Variants in FER1L5 observed in about 807,000 individuals in gnomAD.
FER1L5 encodes the protein fer-1-like protein 5.
A neutral mutation model predicts 279.9 loss-of-function variants in FER1L5; 187 were observed. That is an observed-to-expected ratio of 0.67 (90% CI 0.59 to 0.75). FER1L5 has a LOEUF of 0.75. Ranked by LOEUF, FER1L5 falls within the 30% of genes least tolerant of loss-of-function variation. The pLI, the probability that FER1L5 is intolerant of heterozygous loss-of-function variation, is 0.00. For missense variants in FER1L5, 2,091 were observed against 2,594.4 expected (o/e 0.81, Z 4.21); for synonymous variants, 921 against 989.7 (o/e 0.93, Z 1.30).
At chr2:96,685,804 T>C in intron 21 of FER1L5, 136 bp from the exon 22 acceptor site, 1 of 1,140,602 alleles carries the variant, frequency 8.8e-7, no homozygotes, top group Non-Finnish European at 1.2e-6. Flanking sequence ...TGGGAAGGGC[T>C]CCTGGGCCAG....
rs1032362119 is a variant in FER1L5 at position 96,661,649 on chromosome 2, A to T, written c.895-19A>T. On this transcript the variant is annotated intron_variant, in intron 11 of 52. Coordinates refer to ENST00000624922, the MANE Select transcript of FER1L5 (RefSeq NM_001293083.2). ...ACCTCCCCATTACCTTGACTATATC[A>T]GCTCTCTGGTCTCTCCAGATAGATC... is the stretch of plus-strand genomic sequence containing the variant. 6.4e-7 allele frequency: 1 copy of T among 1,551,492 alleles called. No homozygotes were observed. Among genetic ancestry groups the T allele is most frequent in the Non-Finnish European group, 8.7e-7 (1 of 1,146,948 alleles).
At position 96,670,183 on chromosome 2, in the gene FER1L5, C is replaced by A; in HGVS notation, c.1427C>A (p.Thr476Asn). The change falls in exon 18 of 53, where the codon ACC becomes AAC. Residue 476 changes from threonine (T) to asparagine (N), a missense_variant. Thr to Asn is a moderately conservative substitution (Grantham distance 65). Transcript: ENST00000624922. ...GGCCGAGTCTTCCTGGAGTTAATCA[C>A]CCAAATCAAGTCCTATCAAGACTCC... ...YRGRVFLELI[T>N]QIKSYQDSTI... 1.3e-6 allele frequency: 2 copies of A among 1,551,608 alleles called. No individual in the cohort carries two copies. The highest frequency in any genetic ancestry group is 2.4e-5 in the East Asian group (1 of 40,914).
chr2:96,678,499 T>C (rs1411639568), intron 19 of FER1L5, among the ~76,000 whole-genome samples: 1 of 152,004 alleles, frequency 6.6e-6, no homozygotes, highest in African/African-American at 2.4e-5. Context: ...AGTGGTGCAA[T>C]CACGGGCTCA....
rs1473419214 is a variant in FER1L5, at chr2:96,691,346, T to G, written c.2900T>G (p.Leu967Arg). 1.3e-5 allele frequency: 20 copies of G among 1,549,110 alleles called. No homozygotes were observed. Among genetic ancestry groups the G allele is most frequent in the Non-Finnish European group, 4.4e-6 (5 of 1,145,892 alleles). ...CACGAGCAGGAGACCCTCTCCTTCC[T>G]GCAGCTGGTGAGGGGTCGACGGGCG... Reference protein sequence around the residue: ...LSHEQETLSFLQLGLAKGEEE... With the variant: ...LSHEQETLSFRQLGLAKGEEE... The change falls in exon 28 of 53, where the codon CTG becomes CGG. Residue 967 changes from leucine (L) to arginine (R), a missense_variant. By Grantham distance (102) the Leu-to-Arg change is moderately radical. Coordinates refer to ENST00000624922, the MANE Select transcript of FER1L5 (RefSeq NM_001293083.2). The surrounding 1 kb of genome is among the most constrained non-coding windows in gnomAD (Gnocchi z 6.0).
chr2:96,646,845 C>G lies in FER1L5; in HGVS notation c.139-219C>G, dbSNP rs191374170. Among the ~76,000 whole-genome samples, 14 of 152,350 alleles carry G rather than the reference C, an allele frequency of 9.2e-5. 1 individual carries two copies. Among genetic ancestry groups the G allele is most frequent in the Non-Finnish European group, 1.8e-4 (12 of 68,042 alleles). On this transcript the variant is annotated intron_variant, in intron 2 of 52. Transcript: ENST00000624922. ...CCCCAAACCCTTAATTCCCAACAGG[C>G]CAATGATACTGCAGTTCAAGTCACA...
At chr2:96,655,280 TG>T (rs1399820009) in intron 9 of FER1L5, among the ~76,000 whole-genome samples, 1 of 152,212 alleles carries the variant, frequency 6.6e-6, no homozygotes, top group East Asian at 1.9e-4. Context: ...ACAGTCATGA[TG>T]GGCTAAACTA....
Position 96,704,555 on chromosome 2 carries a change from AGCAAC to A in FER1L5, c.6040_6044del (p.Asn2014GlnfsTer19). ...CAATATCATCAATTCACTAAACACCAGCAACGCCAGCTCTTCCATCCTTCCCACCC... is the reference window on the plus strand; with the variant it reads ...CAATATCATCAATTCACTAAACACCAGCCAGCTCTTCCATCCTTCCCACCC... On this transcript the variant is annotated frameshift_variant, in exon 53 of 53. Transcript: ENST00000624922. LOFTEE classifies it low-confidence loss of function (END_TRUNC). The A allele has an allele frequency of 6.2e-7, 1 of 1,613,936 alleles. No homozygotes were observed.
intron 13 of FER1L5, among the ~76,000 whole-genome samples, chr2:96,662,748 ATT>A (rs1558861764): frequency 5.9e-5 from 9 of 152,212 alleles, no homozygotes; most frequent in African/African-American, 1.7e-4. Flanking sequence ...ACCATATTCT[ATT>A]TGTTGCAAGC....
chr2:96,697,584 A>C lies in FER1L5; in HGVS notation c.4134+8A>C. On this transcript the variant is annotated splice_region_variant and intron_variant, in intron 38 of 52. Transcript: ENST00000624922. The stretch of plus-strand genomic sequence containing the variant: ...AAGTCCAGTAAAGCAGAGGTGATGA[A>C]GGCTCAGCCCCATTCAGTGCAGGGA... 1 of 1,613,770 alleles carries C rather than the reference A, an allele frequency of 6.2e-7. No homozygotes were observed. Among genetic ancestry groups the C allele is most frequent in the African/African-American group, 1.3e-5 (1 of 75,064 alleles).
At chr2:96,681,913 G>A (rs941223696) in intron 19 of FER1L5, among the ~76,000 whole-genome samples, 1 of 151,304 alleles carries the variant, frequency 6.6e-6, no homozygotes, top group African/African-American at 2.4e-5. Context: ...AGCCTCCAAA[G>A]TAGCTGGGAT....
Position 96,702,812 on chromosome 2 carries a change from C to A in FER1L5, c.5397+71C>A, listed in dbSNP as rs912158226. 60 of 1,582,748 alleles carry A rather than the reference C, an allele frequency of 3.8e-5. No individual in the cohort carries two copies. The South Asian group carries it at 5.7e-4, about 15-fold the overall frequency. On this transcript the variant is annotated intron_variant, in intron 48 of 52. Coordinates refer to ENST00000624922, the MANE Select transcript of FER1L5 (RefSeq NM_001293083.2). This position sits in a 1 kb window ranked among gnomAD's most constrained non-coding sequence, Gnocchi z 4.0. The stretch of plus-strand genomic sequence containing the variant: ...CCCAGGCTCCTGGAGCTCCTCCCCC[C>A]ACCCCTCCAGAGGCTTGCAATCTGT...
At chr2:96,668,851 C>G (rs753463416) in intron 15 of FER1L5, 35 bp from the exon 16 acceptor site, 2 of 1,551,544 alleles carry the variant, frequency 1.3e-6, no homozygotes, top group South Asian at 2.4e-5. Context: ...AGAGCTGGGC[C>G]GGGGGCTCAG....
Position 96,686,367 on chromosome 2 carries a change from C to T in FER1L5, c.2229+17C>T, listed in dbSNP as rs1362397410. 79 of 1,546,172 alleles carry T rather than the reference C, an allele frequency of 5.1e-5. No individual in the cohort carries two copies. Among genetic ancestry groups the T allele is most frequent in the Non-Finnish European group, 6.3e-5 (72 of 1,143,618 alleles). On this transcript the variant is annotated intron_variant, in intron 23 of 52. Coordinates refer to ENST00000624922, the MANE Select transcript of FER1L5 (RefSeq NM_001293083.2). ...TTCCTACAGGTGGGAATCAGGGACT[C>T]CTCAGGGGAGGACAGGGCTGAGAAA...
intron 15 of FER1L5, 45 bp downstream of exon 15, chr2:96,668,839 T>C (rs2076220337): frequency 1.3e-6 from 2 of 1,551,410 alleles, no homozygotes; most frequent in Non-Finnish European, 8.7e-7. Context: ...AAGGAAGAAA[T>C]GAGAGCTGGG....
At chr2:96,701,427 T>C (rs776358817) in intron 45 of FER1L5, among the ~76,000 whole-genome samples, 4 of 152,242 alleles carry the variant, frequency 2.6e-5, no homozygotes, top group Non-Finnish European at 4.4e-5. Flanking sequence ...TTCTTCAATG[T>C]TGGCAGTTCT....
At chr2:96,684,269 AAG>A in intron 19 of FER1L5, 56 bp from the exon 20 acceptor site, 1 of 1,531,714 alleles carries the variant, frequency 6.5e-7, no homozygotes, top group Non-Finnish European at 8.8e-7. Flanking sequence ...GCACAGTGAG[AAG>A]AGACCTCCCA....
intron 19 of FER1L5, among the ~76,000 whole-genome samples, chr2:96,675,626 C>T (rs553453830): frequency 6.6e-6 from 1 of 152,254 alleles, no homozygotes; most frequent in African/African-American, 2.4e-5. Context: ...GGGGTTTTGC[C>T]ATGTTGGCCA....
intron 18 of FER1L5, among the ~76,000 whole-genome samples, chr2:96,671,167 C>G (rs547606646): frequency 7.1e-6 from 1 of 141,792 alleles, no homozygotes; most frequent in Non-Finnish European, 1.5e-5. Context: ...TGTGTTAATT[C>G]GTGACCTAGT....
chr2:96,686,353 G>A lies in FER1L5; in HGVS notation c.2229+3G>A. 1 of 1,549,916 alleles carries A rather than the reference G, an allele frequency of 6.5e-7. No individual in the cohort carries two copies. ...AGATACAGACACTCTTCCTACAGGTGGGAATCAGGGACTCCTCAGGGGAGG... is the reference window on the plus strand; with the variant it reads ...AGATACAGACACTCTTCCTACAGGTAGGAATCAGGGACTCCTCAGGGGAGG... On this transcript the variant is annotated splice_donor_region_variant and intron_variant, in intron 23 of 52. Transcript: ENST00000624922.
Sources: gnomAD v4.1 joint callset for allele counts (sites outside exome capture counted in the v4.1 genomes callset) on GRCh38, gnomAD v4.1.1 for gene constraint, Gnocchi (gnomAD v3.1) non-coding constraint, MANE v1.5 for transcripts, NCBI Gene and HGNC (gene_info 2026-07-23, HGNC 2026-07-21) for gene names.